Variants in PEX5L observed in about 807,000 individuals in gnomAD.
PEX5L encodes the protein PEX5-related protein.
A neutral mutation model predicts 84.0 loss-of-function variants in PEX5L; 30 were observed. The ratio of observed to expected loss-of-function variants is 0.36; its 90% CI spans 0.27 to 0.48. The LOEUF is 0.48. PEX5L is among the 20% of genes least tolerant of loss of function. The pLI is 0.99. For synonymous variants in PEX5L, 270 were observed against 283.1 expected, an observed-to-expected ratio of 0.95 and a Z score of 0.46; for missense variants, 533 against 754.6, an observed-to-expected ratio of 0.71 and a Z score of 3.44.
In PEX5L at chr3:179,902,985, C is replaced by T. The variant is rs1761914237; in HGVS notation, c.94-4739G>A. Among the ~76,000 whole-genome samples, 4 of 151,998 alleles carry T rather than the reference C, an allele frequency of 2.6e-5. No homozygotes were observed. In the South Asian group the frequency reaches 8.3e-4, roughly 32 times the overall value. On this transcript the variant is annotated intron_variant, in intron 2 of 14. Transcript: ENST00000467460. The stretch of plus-strand genomic sequence containing the variant: ...TCTGATTATAAAAATTAATATACTT[C>T]TTGCCAAAAATTGATAAAAAACAGA...
At chr3:179,869,368 A>AT (rs1233435942) in intron 7 of PEX5L, among the ~76,000 whole-genome samples, 4 of 152,090 alleles carry the variant, frequency 2.6e-5, no homozygotes, top group Non-Finnish European at 5.9e-5. Flanking sequence ...GTGTTTTCTA[A>AT]TTTTTTGGGA....
intron 2 of PEX5L, chr3:179,902,804 T>C (rs1761857189): frequency 5.3e-6 from 2 of 379,892 alleles, no homozygotes; most frequent in Admixed American, 6.3e-5. Flanking sequence ...TTTTTAAAAC[T>C]CTCAACAATT....
chr3:179,986,189 T>C (rs943787039), intron 1 of PEX5L, among the ~76,000 whole-genome samples: 1 of 145,850 alleles, frequency 6.9e-6, no homozygotes, highest in Admixed American at 7.0e-5. Flanking sequence ...TATAACTTTA[T>C]GTTTATGCAA....
intron 5 of PEX5L, among the ~76,000 whole-genome samples, chr3:179,879,541 C>T (rs768828023): frequency 5.3e-5 from 8 of 152,188 alleles, no homozygotes; most frequent in Admixed American, 1.3e-4. Flanking sequence ...TTGTGACATA[C>T]TGTTTCATCT....
chr3:179,919,449 G>T (rs1221214822), intron 2 of PEX5L, among the ~76,000 whole-genome samples: 1 of 152,100 alleles, frequency 6.6e-6, no homozygotes, highest in Non-Finnish European at 1.5e-5. Flanking sequence ...AATGACTAGG[G>T]GCTCTTTCAC....
Position 179,955,371 on chromosome 3 carries a change from G to A in PEX5L, c.93+16223C>T, listed in dbSNP as rs542100731. On this transcript the variant is annotated intron_variant, in intron 2 of 14. Coordinates refer to ENST00000467460, the MANE Select transcript of PEX5L (RefSeq NM_016559.3). ...ACTTACTTCGTGAGAGAAAGTTCTCGTTTTCTTTGGCACCTTGCTGAAGCT... is the reference window on the plus strand; with the variant it reads ...ACTTACTTCGTGAGAGAAAGTTCTCATTTTCTTTGGCACCTTGCTGAAGCT... Among the ~76,000 whole-genome samples, 5 of 150,600 alleles carry A rather than the reference G, an allele frequency of 3.3e-5. No individual in the cohort carries two copies. The East Asian group carries it at 5.8e-4, about 18-fold the overall frequency.
chr3:179,811,775 A>T, intron 11 of PEX5L, 26 bp downstream of exon 11: 1 of 1,555,432 alleles, frequency 6.4e-7, no homozygotes, highest in African/African-American at 1.4e-5. Context: ...CACCAGGCCC[A>T]TGATTTTGCA....
rs9869557 is a variant in PEX5L at position 179,796,598 on chromosome 3, T to C, written c.*5230A>G. ...TTATGTGTAGAATTCTGTCTTTGAGTTCATGGTATGTGTGTGAGGGTACCG... is the reference window on the plus strand; with the variant it reads ...TTATGTGTAGAATTCTGTCTTTGAGCTCATGGTATGTGTGTGAGGGTACCG... On this transcript the variant is annotated 3_prime_UTR_variant, in exon 15 of 15. Transcript: ENST00000467460. 127,585 of 151,962 alleles carry C rather than the reference T, an allele frequency of 0.84. 53,940 individuals are homozygous for C. The highest frequency in any genetic ancestry group is 0.92 in the African/African-American group (38,310 of 41,462). 9.4% of individuals were successfully genotyped at this position (151,962 alleles called of 1,614,324 possible). A position where few individuals can be genotyped will look rare whatever the true frequency, so the allele number is the denominator to read the frequency against.
chr3:179,872,816 C>A (rs900613224), intron 7 of PEX5L, among the ~76,000 whole-genome samples: 1 of 152,166 alleles, frequency 6.6e-6, no homozygotes, highest in Non-Finnish European at 1.5e-5. Context: ...TTTAGCTGAG[C>A]CTAAATCTCT....
intron 3 of PEX5L, among the ~76,000 whole-genome samples, chr3:179,889,075 C>A (rs982345770): frequency 2.6e-5 from 4 of 152,122 alleles, no homozygotes; most frequent in Non-Finnish European, 5.9e-5. Context: ...CTGTGCCTGG[C>A]CAATCTCTAG....
At chr3:179,981,324 T>A (rs1786310283) in intron 1 of PEX5L, among the ~76,000 whole-genome samples, 1 of 152,088 alleles carries the variant, frequency 6.6e-6, no homozygotes, top group South Asian at 2.1e-4. Context: ...ATCAGATATG[T>A]GCTGTAAGAA....
At chr3:179,942,862 T>C (rs543475177) in intron 2 of PEX5L, among the ~76,000 whole-genome samples, 1 of 152,226 alleles carries the variant, frequency 6.6e-6, no homozygotes, top group Non-Finnish European at 1.5e-5. Flanking sequence ...AGGTTACATA[T>C]AGTAGACATA....
At chr3:179,875,613 A>C (rs1306244277) in intron 5 of PEX5L, 136 bp from the exon 6 acceptor site, 1 of 617,748 alleles carries the variant, frequency 1.6e-6, no homozygotes, top group African/African-American at 1.9e-5. Context: ...AATCTTATCC[A>C]AGGGAGCTTC....
intron 2 of PEX5L, among the ~76,000 whole-genome samples, chr3:179,907,933 G>A (rs933752108): frequency 7.2e-5 from 11 of 152,188 alleles, no homozygotes; most frequent in Admixed American, 3.9e-4. Context: ...CCAAATGTCC[G>A]AGTTTTGTTG....
intron 9 of PEX5L, 45 bp downstream of exon 9, chr3:179,819,815 A>G (rs766209361): frequency 1.3e-6 from 2 of 1,533,618 alleles, no homozygotes; most frequent in East Asian, 2.2e-5. Context: ...TGATCCAAAA[A>G]GGTGGAGAAA....
At chr3:179,974,037 T>C (rs191638263) in intron 1 of PEX5L, 1 of 985,352 alleles carries the variant, frequency 1.0e-6, no homozygotes, top group Admixed American at 6.2e-5. Context: ...AGTGCGAGCA[T>C]AATCCTCTTT....
At chr3:179,997,090 C>G (rs9822666) in intron 1 of PEX5L, among the ~76,000 whole-genome samples, 1 of 152,120 alleles carries the variant, frequency 6.6e-6, no homozygotes, top group Non-Finnish European at 1.5e-5. Flanking sequence ...GGCTGGGTCC[C>G]CCTGAGGAAG....
chr3:179,905,158 GT>G (rs1256735765), intron 2 of PEX5L, among the ~76,000 whole-genome samples: 45 of 152,174 alleles, frequency 3.0e-4, no homozygotes, highest in African/African-American at 1.1e-3. Context: ...GCATTGGCAA[GT>G]AATATCCATG....
chr3:179,998,165 G>A (rs9828328), intron 1 of PEX5L, among the ~76,000 whole-genome samples: 30,341 of 152,094 alleles, frequency 0.2, 4,737 homozygotes, highest in African/African-American at 0.44. Context: ...GCCTGTCGAG[G>A]TATTCCTTCT....
Sources: gnomAD v4.1 joint callset for allele counts (sites outside exome capture counted in the v4.1 genomes callset) on GRCh38, gnomAD v4.1.1 for gene constraint, MANE v1.5 for transcripts, NCBI Gene and HGNC (gene_info 2026-07-23, HGNC 2026-07-21) for gene names.